TSEN2: variants seen among roughly 807,000 people sequenced by gnomAD.
The protein encoded by TSEN2 is tRNA splicing endonuclease subunit 2.
Under a neutral mutation model 59.2 loss-of-function variants are expected in TSEN2, and 54 were observed. The observed-to-expected ratio is 0.91, with a 90% CI of 0.73 to 1.14. The LOEUF (loss-of-function observed/expected upper bound fraction) is 1.14. Among genes scored for constraint, TSEN2 ranks in the 50% most tolerant of loss-of-function variants. The pLI is 0.00. For synonymous variants in TSEN2, 195 were observed against 198.2 expected, an observed-to-expected ratio of 0.98 and a Z score of 0.14; for missense variants, 636 against 576.2, an observed-to-expected ratio of 1.10 and a Z score of -1.06.
intron 8 of TSEN2, among the ~76,000 whole-genome samples, chr3:12,525,305 A>G (rs2056987122): frequency 6.6e-6 from 1 of 152,176 alleles, no homozygotes; most frequent in East Asian, 1.9e-4. Context: ...ATATAATTAC[A>G]GTTTTTCTTT....
intron 1 of TSEN2, among the ~76,000 whole-genome samples, chr3:12,488,510 A>G (rs955450998): frequency 3.3e-5 from 5 of 152,106 alleles, no homozygotes; most frequent in African/African-American, 7.2e-5. Flanking sequence ...AAGTGCATCT[A>G]CTGTATCTCT....
At chr3:12,531,370 G>A (rs2057448201) in intron 10 of TSEN2, 200 bp from the exon 11 acceptor site, 1 of 585,354 alleles carries the variant, frequency 1.7e-6, no homozygotes, top group African/African-American at 1.9e-5. Context: ...GCCATGTTCA[G>A]TGATTACTAA....
At chr3:12,506,550 A>G (rs1448688829) in intron 6 of TSEN2, among the ~76,000 whole-genome samples, 4 of 151,234 alleles carry the variant, frequency 2.6e-5, no homozygotes, top group Non-Finnish European at 5.9e-5. Context: ...AACCGAGGTC[A>G]CGCCACTGCA....
chr3:12,502,188 A>G (rs2054338968), intron 4 of TSEN2, among the ~76,000 whole-genome samples: 1 of 152,226 alleles, frequency 6.6e-6, no homozygotes, highest in African/African-American at 2.4e-5. Flanking sequence ...CCAATGCTAA[A>G]CAAGTTATTT....
chr3:12,517,107 G>T (rs908192470), intron 7 of TSEN2, among the ~76,000 whole-genome samples: 3 of 152,140 alleles, frequency 2.0e-5, no homozygotes, highest in Non-Finnish European at 2.9e-5. Context: ...CAGCACACTG[G>T]GGGGCCGAGG....
At chr3:12,505,783 C>CAA (rs34334319) in intron 6 of TSEN2, among the ~76,000 whole-genome samples, 1,239 of 83,876 alleles carry the variant, frequency 0.015, 27 homozygotes, top group East Asian at 0.059. Flanking sequence ...AACTCTGTCT[C>CAA]AAAAAAAAAA....
At chr3:12,511,596 T>G (rs2055465720) in intron 6 of TSEN2, among the ~76,000 whole-genome samples, 1 of 149,684 alleles carries the variant, frequency 6.7e-6, no homozygotes, top group Non-Finnish European at 1.5e-5. Context: ...AGGCAGGGTC[T>G]CTCTCTGTCA....
At chr3:12,492,871 T>C (rs772261686) in intron 3 of TSEN2, among the ~76,000 whole-genome samples, 15 of 152,224 alleles carry the variant, frequency 9.9e-5, no homozygotes. Flanking sequence ...ACCACCCTCA[T>C]GGAGGTGAAT....
chr3:12,538,383 A>G (rs1173488434), downstream of TSEN2, among the ~76,000 whole-genome samples: 2 of 152,186 alleles, frequency 1.3e-5, no homozygotes, highest in Non-Finnish European at 2.9e-5. Flanking sequence ...TGGTTGGTTA[A>G]AGTTTGAGCA....
At chr3:12,515,659 G>A (rs1193806189) in intron 6 of TSEN2, among the ~76,000 whole-genome samples, 1 of 152,138 alleles carries the variant, frequency 6.6e-6, no homozygotes, top group Non-Finnish European at 1.5e-5. Context: ...TACTTTAACA[G>A]AAAGCCATTT....
chr3:12,493,412 A>G (rs2053427755), intron 3 of TSEN2, among the ~76,000 whole-genome samples: 1 of 152,170 alleles, frequency 6.6e-6, no homozygotes, highest in Admixed American at 6.6e-5. Flanking sequence ...ATTTCTCTAC[A>G]TCCTTGCCAA....
chr3:12,526,637 A>T, intron 8 of TSEN2, among the ~76,000 whole-genome samples: 1 of 152,238 alleles, frequency 6.6e-6, no homozygotes, highest in Non-Finnish European at 1.5e-5. Flanking sequence ...TTACTAGCAT[A>T]GGTAACTTTG....
chr3:12,516,560 A>T, intron 6 of TSEN2, 51 bp from the exon 7 acceptor site: 1 of 1,599,306 alleles, frequency 6.3e-7, no homozygotes, highest in Non-Finnish European at 8.6e-7. Flanking sequence ...ATGGTTTCAC[A>T]AGAATGTGAA....
At chr3:12,488,271 T>G (rs185740761) in intron 1 of TSEN2, among the ~76,000 whole-genome samples, 155 of 152,334 alleles carry the variant, frequency 1.0e-3, no homozygotes, top group Non-Finnish European at 1.8e-3. Flanking sequence ...AGTCTTATTT[T>G]TTCCCTTGTG....
In TSEN2 at chr3:12,503,657, A is replaced by G. The variant is rs769122669; in HGVS notation, c.704A>G (p.His235Arg). ...QDALILQRGL[H>R]HEDGSQHIGL... is the part of the protein sequence containing the mutation. ...GCTCTCATCCTCCAGCGTGGCCTTC[A>G]TCATGAAGACGGCAGCCAGCACATC... is the stretch of plus-strand genomic sequence containing the variant. Residue 235 changes from histidine (H) to arginine (R), a missense_variant, in exon 5 of 12, where the codon CAT becomes CGT. By Grantham distance (29) the His-to-Arg change is conservative. Coordinates refer to ENST00000284995, the MANE Select transcript of TSEN2 (RefSeq NM_025265.4). 2 of 1,605,466 alleles carry G rather than the reference A, an allele frequency of 1.2e-6. No homozygotes were observed. The highest frequency in any genetic ancestry group is 1.7e-6 in the Non-Finnish European group (2 of 1,175,740).
intron 6 of TSEN2, among the ~76,000 whole-genome samples, chr3:12,509,920 AG>A (rs1321457877): frequency 1.3e-5 from 2 of 152,206 alleles, no homozygotes; most frequent in Non-Finnish European, 2.9e-5. Flanking sequence ...TATAATTGGA[AG>A]GCTGCTTGGT....
chr3:12,523,819 C>T (rs1006199451), intron 8 of TSEN2, among the ~76,000 whole-genome samples: 3 of 152,004 alleles, frequency 2.0e-5, no homozygotes, highest in East Asian at 3.8e-4. Context: ...GAATTACAGG[C>T]GTGAGCCGTG....
At position 12,529,397 on chromosome 3, in the gene TSEN2, C is replaced by T. The variant is rs534050291; in HGVS notation, c.1137-365C>T. Among the ~76,000 whole-genome samples the T allele has an allele frequency of 4.2e-5, 6 of 143,098 alleles. No individual in the cohort carries two copies. The South Asian group carries it at 1.1e-3, about 26-fold the overall frequency. 93.9% of individuals were successfully genotyped at this position (143,098 alleles called of 152,430 possible). On this transcript the variant is annotated intron_variant, in intron 9 of 11. Coordinates refer to ENST00000284995, the MANE Select transcript of TSEN2 (RefSeq NM_025265.4). ...CAGAGAATTGCTTGAACCCAGGAGG[C>T]GGAGGTTGCGGTGAGCCAAGATCGC... is the stretch of plus-strand genomic sequence containing the variant.
intron 8 of TSEN2, 81 bp downstream of exon 8, chr3:12,519,278 C>T: frequency 6.4e-7 from 1 of 1,558,478 alleles, no homozygotes; most frequent in Admixed American, 1.7e-5. Flanking sequence ...ATCTTGTGTG[C>T]TGTTGATGAT....
Sources: gnomAD v4.1 joint callset for allele counts (sites outside exome capture counted in the v4.1 genomes callset) on GRCh38, gnomAD v4.1.1 for gene constraint, MANE v1.5 for transcripts, NCBI Gene and HGNC (gene_info 2026-07-23, HGNC 2026-07-21) for gene names.